PCDH17: variants seen among roughly 807,000 people sequenced by gnomAD.
PCDH17 encodes protocadherin 17.
Under a neutral mutation model 67.7 loss-of-function variants are expected in PCDH17, and 21 were observed. That is an observed-to-expected ratio of 0.31 (90% CI 0.22 to 0.45). PCDH17 has a LOEUF of 0.45. Ranked by LOEUF, PCDH17 falls within the 20% of genes least tolerant of loss-of-function variation. The pLI is 1.00. For synonymous variants in PCDH17, 701 were observed against 656.7 expected (o/e 1.07, Z -1.03); for missense variants, 1,471 against 1,564.8 (o/e 0.94, Z 1.01).
At chr13:57,721,964 T>C (rs1955875303) in intron 3 of PCDH17, among the ~76,000 whole-genome samples, 1 of 152,186 alleles carries the variant, frequency 6.6e-6, no homozygotes, top group Non-Finnish European at 1.5e-5. Context: ...TTTGTGCTCA[T>C]AGTTTCTACT....
intron 3 of PCDH17, among the ~76,000 whole-genome samples, chr13:57,716,506 C>G (rs570757348): frequency 1.3e-5 from 2 of 151,990 alleles, no homozygotes; most frequent in African/African-American, 2.4e-5. Context: ...TCTCTGCTCT[C>G]CACTCTCTGT....
At chr13:57,670,320 T>C (rs1955304487) in intron 3 of PCDH17, among the ~76,000 whole-genome samples, 2 of 151,866 alleles carry the variant, frequency 1.3e-5, no homozygotes, top group Admixed American at 6.6e-5. Context: ...TGAGAGATGA[T>C]GACAGCCATA....
At position 57,666,680 on chromosome 13, in the gene PCDH17, C is replaced by A. The variant is rs1400161565; in HGVS notation, c.2644C>A (p.Pro882Thr). 6.2e-7 allele frequency: 1 copy of A among 1,611,912 alleles called. No individual in the cohort carries two copies. Among genetic ancestry groups the A allele is most frequent in the African/African-American group, 1.3e-5 (1 of 74,766 alleles). The stretch of plus-strand genomic sequence containing the variant: ...TTTCAGTAGCTCCACGTTTAAGGAC[C>A]CAGAAAGAGCCAGCCTGAGAGACAG... ...FVQSSSTFKD[P>T]ERASLRDSGH... is the part of the protein sequence containing the mutation. The change falls in exon 3 of 4, where the codon CCA becomes ACA. Residue 882 changes from proline to threonine, a missense_variant. Physicochemically the swap from Pro to Thr is conservative, Grantham distance 38. Transcript: ENST00000377918.
intron 1 of PCDH17, among the ~76,000 whole-genome samples, chr13:57,647,567 A>G (rs1474418782): frequency 6.6e-6 from 1 of 151,834 alleles, no homozygotes; most frequent in East Asian, 1.9e-4. Flanking sequence ...TTGACTTTAC[A>G]TAGTGCATAT....
At chr13:57,694,138 G>A (rs1955585160) in intron 3 of PCDH17, among the ~76,000 whole-genome samples, 1 of 151,136 alleles carries the variant, frequency 6.6e-6, no homozygotes, top group African/African-American at 2.4e-5. Flanking sequence ...TATTGACTCA[G>A]TTGTCAAGAT....
chr13:57,724,716 G>C lies in PCDH17; in HGVS notation c.2902G>C (p.Asp968His). 9 of 1,614,100 alleles carry C rather than the reference G, an allele frequency of 5.6e-6. No homozygotes were observed. Among genetic ancestry groups the C allele is most frequent in the Non-Finnish European group, 7.6e-6 (9 of 1,179,986 alleles). The change falls in exon 4 of 4, where the codon GAT (aspartate) becomes CAT (histidine). Residue 968 changes from aspartate (D) to histidine (H), a missense_variant. Asp to His is a moderately conservative substitution (Grantham distance 81). Around this residue, in one of 3 missense-constraint regions of PCDH17, gnomAD observed 297 missense variants for 298.6 expected, o/e 0.99. Transcript: ENST00000377918. ...FPAANQAENADYRTNLFVPTV... is the reference protein window; with the variant it reads ...FPAANQAENAHYRTNLFVPTV... ...TGCAGCCAATCAGGCTGAAAATGCAGATTACCGCACAAATCTCTTTGTACC... is the reference window on the plus strand; with the variant it reads ...TGCAGCCAATCAGGCTGAAAATGCACATTACCGCACAAATCTCTTTGTACC...
At chr13:57,685,953 G>A (rs971345752) in intron 3 of PCDH17, among the ~76,000 whole-genome samples, 3 of 151,834 alleles carry the variant, frequency 2.0e-5, no homozygotes, top group Non-Finnish European at 2.9e-5. Flanking sequence ...GCCAGGCATA[G>A]TGGCATGCAC....
intron 3 of PCDH17, among the ~76,000 whole-genome samples, chr13:57,685,895 G>C (rs1463628386): frequency 4.6e-5 from 7 of 151,832 alleles, no homozygotes; most frequent in Admixed American, 4.6e-4. Flanking sequence ...AGACCAACCT[G>C]GGCAACACAG....
At chr13:57,702,283 G>A (rs1955673403) in intron 3 of PCDH17, among the ~76,000 whole-genome samples, 1 of 152,024 alleles carries the variant, frequency 6.6e-6, no homozygotes, top group Non-Finnish European at 1.5e-5. Context: ...AAGGCTCCAT[G>A]TCTAAACAGA....
chr13:57,666,805 T>C lies in PCDH17; in HGVS notation c.2769T>C (p.Thr923=), dbSNP rs1444886451. The C allele has an allele frequency of 1.2e-6, 2 of 1,611,118 alleles. No homozygotes were observed. Among genetic ancestry groups the C allele is most frequent in the Non-Finnish European group, 1.7e-6 (2 of 1,178,636 alleles). Residue 923 remains threonine, a synonymous_variant, in exon 3 of 4, where the codon ACT becomes ACC. Transcript: ENST00000377918. ...GGGAGGCACTCAAGATGAAAACTAC[T>C]TCAACTAAAAGCCAACCACTTGAAC... The part of the protein sequence containing the change: ...SVREALKMKT[T]STKSQPLEQE...
At chr13:57,644,342 A>C (rs1593896441) in intron 1 of PCDH17, among the ~76,000 whole-genome samples, 1 of 151,812 alleles carries the variant, frequency 6.6e-6, no homozygotes, top group Middle Eastern at 3.4e-3. Context: ...ACTATGCCTG[A>C]GTGGAGAGAA....
intron 3 of PCDH17, among the ~76,000 whole-genome samples, chr13:57,700,582 A>G (rs1251827097): frequency 1.3e-5 from 2 of 152,116 alleles, no homozygotes; most frequent in East Asian, 3.9e-4. Flanking sequence ...GCTAATGAAC[A>G]GTAGCTGCAA....
At chr13:57,655,470 TA>T (rs540152384) in intron 1 of PCDH17, among the ~76,000 whole-genome samples, 17 of 151,982 alleles carry the variant, frequency 1.1e-4, no homozygotes, top group Non-Finnish European at 2.4e-4. Flanking sequence ...GATCACCTTT[TA>T]AATTAGTTAT....
intron 3 of PCDH17, among the ~76,000 whole-genome samples, chr13:57,703,214 A>G (rs200619755): frequency 3.3e-5 from 5 of 152,200 alleles, no homozygotes; most frequent in Admixed American, 1.3e-4. Context: ...GACTTTGAAT[A>G]TAATTTAATC....
chr13:57,708,616 A>G (rs1438804739), intron 3 of PCDH17, among the ~76,000 whole-genome samples: 1 of 151,938 alleles, frequency 6.6e-6, no homozygotes, highest in South Asian at 2.1e-4. Context: ...AAGCCAGGGG[A>G]AAAAGAAAAG....
intron 3 of PCDH17, among the ~76,000 whole-genome samples, chr13:57,715,753 C>A (rs183472009): frequency 6.6e-6 from 1 of 151,692 alleles, no homozygotes; most frequent in Non-Finnish European, 1.5e-5. Flanking sequence ...GAATACCTAG[C>A]GAATCTCTTT....
chr13:57,712,894 G>A (rs1166250336), intron 3 of PCDH17, among the ~76,000 whole-genome samples: 1 of 151,302 alleles, frequency 6.6e-6, no homozygotes, highest in African/African-American at 2.4e-5. Flanking sequence ...TCTGTTCTTT[G>A]CTCTGGGTAT....
At chr13:57,716,397 G>A (rs2138095993) in intron 3 of PCDH17, among the ~76,000 whole-genome samples, 1 of 152,014 alleles carries the variant, frequency 6.6e-6, no homozygotes, top group Non-Finnish European at 1.5e-5. Flanking sequence ...TGCAGCTTAA[G>A]TCCTTTGACC....
chr13:57,636,617 T>C (rs1954826725), intron 1 of PCDH17, among the ~76,000 whole-genome samples: 1 of 152,118 alleles, frequency 6.6e-6, no homozygotes, highest in African/African-American at 2.4e-5. Context: ...TTTTAAGGTC[T>C]ATATAAAACT....
Sources: allele counts gnomAD v4.1 joint callset (sites outside exome capture counted in the v4.1 genomes callset), GRCh38; gene constraint gnomAD v4.1.1; regional missense constraint gnomAD v4.1.1; transcripts MANE v1.5; gene names NCBI Gene and HGNC (gene_info 2026-07-23, HGNC 2026-07-21).